The following INPP4B variants were observed in gnomAD, a reference collection of about 807,000 sequenced individuals.
INPP4B encodes inositol polyphosphate 4-phosphatase type II.
INPP4B carries 55 observed loss-of-function variants against 122.5 expected under a neutral mutation model. That is an observed-to-expected ratio of 0.45 (90% CI 0.36 to 0.56). The LOEUF is 0.56. INPP4B is among the 20% of genes least tolerant of loss of function. INPP4B has a pLI of 0.00. For missense variants in INPP4B, 1,000 were observed against 1,097.7 expected (o/e 0.91, Z 1.26); for synonymous variants, 403 against 388.7 (o/e 1.04, Z -0.43).
At chr4:142,436,372 TC>T (rs1320341050) in intron 3 of INPP4B, among the ~76,000 whole-genome samples, 1 of 152,108 alleles carries the variant, frequency 6.6e-6, no homozygotes, top group Non-Finnish European at 1.5e-5. Context: ...CAGGTTTCCC[TC>T]CAGTGCAGCA....
chr4:142,349,013 G>C (rs571844277), intron 7 of INPP4B, among the ~76,000 whole-genome samples: 1 of 152,044 alleles, frequency 6.6e-6, no homozygotes, highest in Non-Finnish European at 1.5e-5. Context: ...ACACTCCTTT[G>C]GAAAGAGAGA....
chr4:142,268,147 C>G (rs1743740986), intron 10 of INPP4B, among the ~76,000 whole-genome samples: 1 of 150,604 alleles, frequency 6.6e-6, no homozygotes, highest in African/African-American at 2.4e-5. Context: ...CACGGTGAAA[C>G]CCCGTCTCTA....
At chr4:142,038,700 A>C (rs550012819) in intron 25 of INPP4B, among the ~76,000 whole-genome samples, 8 of 152,178 alleles carry the variant, frequency 5.3e-5, no homozygotes, top group Non-Finnish European at 1.0e-4. Context: ...TGCACTGGAG[A>C]AGAGGAAAAT....
At chr4:142,621,991 A>G (rs536702103) in intron 2 of INPP4B, among the ~76,000 whole-genome samples, 31 of 151,978 alleles carry the variant, frequency 2.0e-4, no homozygotes, top group South Asian at 6.2e-4. Flanking sequence ...TGAAGGTTAT[A>G]CAGTAAGTAA....
intron 2 of INPP4B, among the ~76,000 whole-genome samples, chr4:142,693,720 G>A (rs1017927612): frequency 1.3e-5 from 2 of 151,870 alleles, no homozygotes; most frequent in Admixed American, 1.3e-4. Flanking sequence ...CAATATTCAG[G>A]CCTAATGTCT....
intron 7 of INPP4B, among the ~76,000 whole-genome samples, chr4:142,325,677 T>C (rs192422512): frequency 2.6e-4 from 39 of 152,318 alleles, no homozygotes; most frequent in Admixed American, 2.6e-4. Flanking sequence ...TCTAAAGCAG[T>C]GATGTTCACA....
intron 11 of INPP4B, among the ~76,000 whole-genome samples, chr4:142,252,863 A>G (rs1188970303): frequency 6.6e-6 from 1 of 152,234 alleles, no homozygotes; most frequent in Admixed American, 6.5e-5. Context: ...AGAAATTTAT[A>G]GTCGTGTAGT....
intron 5 of INPP4B, among the ~76,000 whole-genome samples, chr4:142,428,478 C>A (rs867036966): frequency 4.6e-5 from 7 of 150,654 alleles, no homozygotes; most frequent in African/African-American, 1.7e-4. Flanking sequence ...TTCATATGAA[C>A]CACATTTTTA....
intron 7 of INPP4B, among the ~76,000 whole-genome samples, chr4:142,377,345 A>C (rs2148800815): frequency 6.6e-6 from 1 of 152,036 alleles, no homozygotes; most frequent in African/African-American, 2.4e-5. Context: ...AAAAATCCTT[A>C]TCTGCTGCTT....
chr4:142,663,520 G>A (rs950912179), intron 2 of INPP4B, among the ~76,000 whole-genome samples: 2 of 152,006 alleles, frequency 1.3e-5, no homozygotes, highest in Non-Finnish European at 2.9e-5. Flanking sequence ...TGTCTAAGTT[G>A]ACATTGTAAT....
intron 25 of INPP4B, among the ~76,000 whole-genome samples, chr4:142,049,520 T>A (rs1357749173): frequency 3.3e-5 from 5 of 152,046 alleles, no homozygotes; most frequent in Non-Finnish European, 7.4e-5. Flanking sequence ...ATAAGGTTGT[T>A]TTTTACATCA....
intron 1 of INPP4B, among the ~76,000 whole-genome samples, chr4:142,770,703 G>A (rs186481892): frequency 6.6e-6 from 1 of 152,130 alleles, no homozygotes; most frequent in African/African-American, 2.4e-5. Flanking sequence ...AAAGAGGAAA[G>A]AGTGATTACA....
At position 142,721,501 on chromosome 4, in the gene INPP4B, T is replaced by C. The variant is rs1201460284; in HGVS notation, c.-191+4338A>G. ...TACAGTGGTGTTATAAATTAGTTGA[T>C]TGGAATTTAGATTTTATTCTTATTA... On this transcript the variant is annotated intron_variant, in intron 2 of 25. Coordinates refer to ENST00000262992, the MANE Select transcript of INPP4B (RefSeq NM_001101669.3). Among the ~76,000 whole-genome samples the C allele has an allele frequency of 2.0e-5, 3 of 152,176 alleles. 1 individual carries two copies. The highest frequency in any genetic ancestry group is 2.9e-5 in the Non-Finnish European group (2 of 68,032).
At position 142,313,678 on chromosome 4, in the gene INPP4B, A is replaced by C. The variant is rs188384615; in HGVS notation, c.423+1034T>G. Among the ~76,000 whole-genome samples the C allele has an allele frequency of 1.6e-3, 245 of 152,310 alleles. 3 individuals carry two copies. Among genetic ancestry groups the C allele is most frequent in the Non-Finnish European group, 1.4e-3 (94 of 68,022 alleles). Reference sequence around the variant, plus strand: ...AGTCAGCACAGAGATTGGTAGTAGAAGTGAATGGCACAAGAGGTTGAAGGC... The same window carrying C: ...AGTCAGCACAGAGATTGGTAGTAGACGTGAATGGCACAAGAGGTTGAAGGC... On this transcript the variant is annotated intron_variant, in intron 8 of 25. Coordinates refer to ENST00000262992, the MANE Select transcript of INPP4B (RefSeq NM_001101669.3).
At chr4:142,514,878 C>T (rs190632908) in intron 2 of INPP4B, among the ~76,000 whole-genome samples, 176 of 149,310 alleles carry the variant, frequency 1.2e-3, no homozygotes, top group African/African-American at 3.5e-3. Context: ...TCACCTCAAC[C>T]TTTGCCTCCC....
intron 2 of INPP4B, among the ~76,000 whole-genome samples, chr4:142,612,697 C>G (rs192339028): frequency 6.6e-6 from 1 of 152,248 alleles, no homozygotes; most frequent in East Asian, 1.9e-4. Flanking sequence ...AGAAAACTCC[C>G]TGGGGCCTTT....
rs976379351 is a variant in INPP4B, at chr4:142,384,158, T to C, written c.372+18780A>G. On this transcript the variant is annotated intron_variant, in intron 7 of 25. Transcript: ENST00000262992. ...TGATCAGTAAGTTTCCAATCTGACA[T>C]AGCTTCTAAAAATGTTCAAGAATTC... The C allele has an allele frequency of 1.4e-5, 10 of 701,562 alleles. No homozygotes were observed. The Admixed American group carries it at 1.6e-4, about 11-fold the overall frequency. 43.5% of individuals were successfully genotyped at this position (701,562 alleles called of 1,614,324 possible).
At chr4:142,454,768 T>G (rs1436566186) in intron 3 of INPP4B, among the ~76,000 whole-genome samples, 1 of 152,078 alleles carries the variant, frequency 6.6e-6, no homozygotes, top group African/African-American at 2.4e-5. Flanking sequence ...TGGTAATATC[T>G]AATTTTGGAG....
intron 2 of INPP4B, among the ~76,000 whole-genome samples, chr4:142,686,441 A>T (rs906441252): frequency 1.3e-5 from 2 of 152,088 alleles, no homozygotes; most frequent in Admixed American, 1.3e-4. Flanking sequence ...CTGCCCTGAC[A>T]ATCAGTGGTC....
Sources: allele counts gnomAD v4.1 joint callset (sites outside exome capture counted in the v4.1 genomes callset), GRCh38; gene constraint gnomAD v4.1.1; transcripts MANE v1.5; gene names NCBI Gene and HGNC (gene_info 2026-07-23, HGNC 2026-07-21).